The following ARHGAP42 variants were observed in gnomAD, a reference collection of about 807,000 sequenced individuals.
ARHGAP42 encodes the protein rho GTPase-activating protein 42.
In ARHGAP42, 63 loss-of-function variants were observed where a neutral mutation model predicts 125.0. The observed-to-expected ratio is 0.50, with a 90% CI of 0.41 to 0.62. The LOEUF is 0.62. Ranked by LOEUF, ARHGAP42 falls within the 20% of genes least tolerant of loss-of-function variation. The probability of loss-of-function intolerance (pLI) is 0.00; values close to 1 mark genes in which losing one functional copy is unlikely to be tolerated. For missense variants in ARHGAP42, 766 were observed against 1,024.2 expected, an observed-to-expected ratio of 0.75 and a Z score of 3.44; for synonymous variants, 339 against 351.0, an observed-to-expected ratio of 0.97 and a Z score of 0.38.
intron 3 of ARHGAP42, among the ~76,000 whole-genome samples, chr11:100,824,561 A>G (rs184620019): frequency 3.9e-4 from 59 of 152,288 alleles, no homozygotes; most frequent in Non-Finnish European, 5.0e-4. Flanking sequence ...AGTTGTATAT[A>G]TGATATATGA....
chr11:100,975,874 G>C (rs961533426), intron 19 of ARHGAP42, among the ~76,000 whole-genome samples, 183 bp from the exon 20 acceptor site: 1 of 152,154 alleles, frequency 6.6e-6, no homozygotes, highest in Non-Finnish European at 1.5e-5. Flanking sequence ...AAGTTCAAAT[G>C]CATATTTTAA....
At chr11:100,913,580 A>G (rs1442581203) in intron 5 of ARHGAP42, 27 bp downstream of exon 5, 7 of 1,195,374 alleles carry the variant, frequency 5.9e-6, no homozygotes, top group Non-Finnish European at 6.6e-6. Context: ...GAAATAATGG[A>G]AAAGGCATTA....
intron 4 of ARHGAP42, among the ~76,000 whole-genome samples, chr11:100,860,969 A>C: frequency 6.6e-6 from 1 of 152,210 alleles, no homozygotes; most frequent in Admixed American, 6.5e-5. Context: ...GCTGTAAACA[A>C]GTCAGAGATG....
chr11:100,867,898 C>T (rs1267913032), intron 4 of ARHGAP42, among the ~76,000 whole-genome samples: 2 of 151,880 alleles, frequency 1.3e-5, no homozygotes, highest in African/African-American at 2.4e-5. Flanking sequence ...AATTGTGTGT[C>T]GGGGAAGAGG....
rs143859109 is a variant in ARHGAP42 at position 100,935,677 on chromosome 11, C to CACACACACACAG, written c.703-525_703-524insCACACACACAGA. Among the ~76,000 whole-genome samples, 1,022 of 146,674 alleles carry CACACACACACAG rather than the reference C, an allele frequency of 7.0e-3. 16 individuals carry two copies. The highest frequency in any genetic ancestry group is 0.024 in the African/African-American group (921 of 38,898). ...AAGGTCACACACACACACACACACACAGAGAGAGAGAGAGAGAGATTCAAA... is the reference window on the plus strand; with the variant it reads ...AAGGTCACACACACACACACACACACACACACACACAGAGAGAGAGAGAGAGAGAGATTCAAA... On this transcript the variant is annotated intron_variant, in intron 7 of 23. Transcript: ENST00000298815.
At chr11:100,884,553 TAA>T (rs1183326647) in intron 4 of ARHGAP42, among the ~76,000 whole-genome samples, 1 of 152,062 alleles carries the variant, frequency 6.6e-6, no homozygotes, top group African/African-American at 2.4e-5. Flanking sequence ...AAATGATAAA[TAA>T]GAGTCAAAAT....
intron 1 of ARHGAP42, among the ~76,000 whole-genome samples, chr11:100,734,161 C>T (rs1862016240): frequency 6.6e-6 from 1 of 151,588 alleles, no homozygotes; most frequent in Non-Finnish European, 1.5e-5. Flanking sequence ...TCTCGAACTC[C>T]TGACCTCATG....
chr11:100,847,220 G>C (rs1195736444), intron 3 of ARHGAP42, among the ~76,000 whole-genome samples: 4 of 152,136 alleles, frequency 2.6e-5, no homozygotes, highest in African/African-American at 9.7e-5. Flanking sequence ...TGGGCTGAGG[G>C]TTCAGATGTT....
chr11:100,780,163 T>C (rs1863270202), intron 2 of ARHGAP42, among the ~76,000 whole-genome samples: 1 of 152,172 alleles, frequency 6.6e-6, no homozygotes, highest in South Asian at 2.1e-4. Context: ...GAACTGTGCT[T>C]GTGAAAAAGG....
intron 1 of ARHGAP42, among the ~76,000 whole-genome samples, chr11:100,688,998 A>T (rs921413373): frequency 1.3e-5 from 2 of 152,220 alleles, no homozygotes; most frequent in Non-Finnish European, 2.9e-5. Flanking sequence ...CTAGTATCGG[A>T]TCTATATTTT....
At chr11:100,970,933 C>T (rs1046950622) in intron 17 of ARHGAP42, among the ~76,000 whole-genome samples, 1 of 152,006 alleles carries the variant, frequency 6.6e-6, no homozygotes, top group Non-Finnish European at 1.5e-5. Flanking sequence ...TCAGCCTCTG[C>T]AACCCAGAGA....
intron 3 of ARHGAP42, among the ~76,000 whole-genome samples, chr11:100,810,297 C>T (rs1241815955): frequency 1.3e-5 from 2 of 151,942 alleles, no homozygotes; most frequent in Non-Finnish European, 1.5e-5. Context: ...TTCTTTTTTC[C>T]CCTGACTATA....
At chr11:100,973,365 G>C (rs1309007474) in intron 18 of ARHGAP42, 31 bp downstream of exon 18, 1 of 1,543,572 alleles carries the variant, frequency 6.5e-7, no homozygotes, top group Non-Finnish European at 8.7e-7. Context: ...GAAGTGTCAA[G>C]TTTTATATCT....
At chr11:100,784,355 G>A (rs1026357354) in intron 2 of ARHGAP42, among the ~76,000 whole-genome samples, 1 of 152,100 alleles carries the variant, frequency 6.6e-6, no homozygotes, top group African/African-American at 2.4e-5. Context: ...CATGATCAAA[G>A]GTGCCCTCTA....
intron 17 of ARHGAP42, among the ~76,000 whole-genome samples, chr11:100,972,055 A>G (rs1858261442): frequency 6.6e-6 from 1 of 152,228 alleles, no homozygotes; most frequent in Non-Finnish European, 1.5e-5. Context: ...ATGCTTTCTT[A>G]GCTAGTGCTC....
At chr11:100,894,224 C>A (rs1352308822) in intron 4 of ARHGAP42, among the ~76,000 whole-genome samples, 1 of 152,194 alleles carries the variant, frequency 6.6e-6, no homozygotes, top group African/African-American at 2.4e-5. Flanking sequence ...GTAAGGTATG[C>A]CCAGCCCTCA....
intron 1 of ARHGAP42, among the ~76,000 whole-genome samples, chr11:100,712,300 CTT>C (rs1861578093): frequency 6.6e-6 from 1 of 151,974 alleles, no homozygotes; most frequent in African/African-American, 2.4e-5. Flanking sequence ...TTAGAAATGA[CTT>C]AAGTGATTGC....
intron 4 of ARHGAP42, among the ~76,000 whole-genome samples, chr11:100,906,251 ATTT>A (rs1866733760): frequency 6.6e-6 from 1 of 152,168 alleles, no homozygotes; most frequent in South Asian, 2.1e-4. Context: ...AAGCAGTAGA[ATTT>A]TTGAGGCCTT....
At position 100,988,709 on chromosome 11, in the gene ARHGAP42, C is replaced by T. The variant is rs1342194635; in HGVS notation, c.2537-4C>T. 1 of 1,545,648 alleles carries T rather than the reference C, an allele frequency of 6.5e-7. No homozygotes were observed. ...GAGTGCTATTTATTTATTTATTTTG[C>T]CAGTGTACCCATCAGTGGAACCAGG... On this transcript the variant is annotated splice_region_variant and splice_polypyrimidine_tract_variant and intron_variant, in intron 23 of 23. Coordinates refer to ENST00000298815, the MANE Select transcript of ARHGAP42 (RefSeq NM_152432.4).
Sources: gnomAD v4.1 joint callset for allele counts (sites outside exome capture counted in the v4.1 genomes callset) on GRCh38, gnomAD v4.1.1 for gene constraint, MANE v1.5 for transcripts, NCBI Gene and HGNC (gene_info 2026-07-23, HGNC 2026-07-21) for gene names.